The following CAMK1D variants were observed in gnomAD, a reference collection of about 807,000 sequenced individuals.
CAMK1D encodes calcium/calmodulin dependent protein kinase ID, also known as calcium/calmodulin-dependent protein kinase type 1D.
A neutral mutation model predicts 47.7 loss-of-function variants in CAMK1D; 9 were observed. That is an observed-to-expected ratio of 0.19 (90% CI 0.11 to 0.33). The LOEUF (loss-of-function observed/expected upper bound fraction) is 0.33. Ranked by LOEUF, CAMK1D falls within the 10% of genes least tolerant of loss-of-function variation. The pLI is 1.00. For synonymous variants in CAMK1D, 184 were observed against 184.9 expected (o/e 0.99, Z 0.04); for missense variants, 291 against 488.7 (o/e 0.60, Z 3.81).
chr10:12,454,279 C>T (rs1049768291), intron 1 of CAMK1D, among the ~76,000 whole-genome samples: 19 of 152,354 alleles, frequency 1.2e-4, no homozygotes, highest in Admixed American at 5.9e-4. Flanking sequence ...TCCCCTGCCT[C>T]AGCCTCCTGA....
intron 1 of CAMK1D, among the ~76,000 whole-genome samples, chr10:12,372,653 C>CT (rs1232209918): frequency 6.6e-6 from 1 of 152,194 alleles, no homozygotes; most frequent in Non-Finnish European, 1.5e-5. Context: ...GGGTCTCACT[C>CT]TGTCATTCAG....
At chr10:12,790,510 G>A (rs370206198) in intron 5 of CAMK1D, among the ~76,000 whole-genome samples, 4 of 152,140 alleles carry the variant, frequency 2.6e-5, no homozygotes, top group Admixed American at 2.0e-4. Context: ...AGCCTGATTT[G>A]TGTTACAGTG....
At chr10:12,784,324 A>C (rs573325216) in intron 5 of CAMK1D, among the ~76,000 whole-genome samples, 23 of 150,980 alleles carry the variant, frequency 1.5e-4, no homozygotes, top group Admixed American at 9.3e-4. Context: ...CAGCCTCCTG[A>C]GTAGCTGGAA....
At chr10:12,776,845 G>C (rs1203006063) in intron 5 of CAMK1D, among the ~76,000 whole-genome samples, 1 of 152,156 alleles carries the variant, frequency 6.6e-6, no homozygotes, top group Non-Finnish European at 1.5e-5. Flanking sequence ...ACACCAAATA[G>C]AGGGTGAGAA....
chr10:12,403,631 A>G (rs1839310123), intron 1 of CAMK1D, among the ~76,000 whole-genome samples: 2 of 152,214 alleles, frequency 1.3e-5, no homozygotes, highest in Admixed American at 6.5e-5. Context: ...GGCGTGCACC[A>G]TAGAATTCCT....
chr10:12,819,308 G>C (rs116878192), intron 8 of CAMK1D, among the ~76,000 whole-genome samples: 1,616 of 152,332 alleles, frequency 0.011, 12 homozygotes, highest in Non-Finnish European at 0.016. Flanking sequence ...TACAACACGG[G>C]AGCTTAAAAC....
At chr10:12,742,830 C>T (rs1835494020) in intron 3 of CAMK1D, among the ~76,000 whole-genome samples, 1 of 147,992 alleles carries the variant, frequency 6.8e-6, no homozygotes, top group Non-Finnish European at 1.5e-5. Flanking sequence ...AATACCACAT[C>T]TGACAAAGAG....
chr10:12,374,190 G>A (rs1302274108), intron 1 of CAMK1D, among the ~76,000 whole-genome samples: 2 of 147,774 alleles, frequency 1.4e-5, no homozygotes, highest in Non-Finnish European at 3.0e-5. Flanking sequence ...AACCCAGGAG[G>A]CGGAAGTTGC....
At chr10:12,486,851 T>A (rs886274420) in intron 1 of CAMK1D, among the ~76,000 whole-genome samples, 5 of 152,076 alleles carry the variant, frequency 3.3e-5, no homozygotes, top group African/African-American at 1.2e-4. Context: ...GAAGGGAGGA[T>A]CACTTGAGCC....
intron 1 of CAMK1D, among the ~76,000 whole-genome samples, chr10:12,531,391 G>C (rs1835800841): frequency 6.6e-6 from 1 of 152,222 alleles, no homozygotes; most frequent in Non-Finnish European, 1.5e-5. Flanking sequence ...ATGGTTGCCA[G>C]GGGCACGTGG....
intron 1 of CAMK1D, among the ~76,000 whole-genome samples, chr10:12,512,298 G>T (rs186520455): frequency 1.9e-3 from 285 of 152,306 alleles, no homozygotes; most frequent in African/African-American, 6.4e-3. Context: ...CTGATTCGTT[G>T]GGGAGAAGTT....
chr10:12,440,315 C>T (rs1217479112), intron 1 of CAMK1D, among the ~76,000 whole-genome samples: 1 of 150,002 alleles, frequency 6.7e-6, no homozygotes, highest in Non-Finnish European at 1.5e-5. Context: ...GACGGAGTCT[C>T]CTTCTGTCAC....
chr10:12,768,071 C>A (rs775549054), intron 4 of CAMK1D, among the ~76,000 whole-genome samples: 5 of 152,114 alleles, frequency 3.3e-5, no homozygotes, highest in Non-Finnish European at 7.3e-5. Context: ...CGGGGTTTCG[C>A]CATGTTGATC....
chr10:12,492,203 C>T (rs1834406516), intron 1 of CAMK1D, among the ~76,000 whole-genome samples: 1 of 152,072 alleles, frequency 6.6e-6, no homozygotes, highest in South Asian at 2.1e-4. Flanking sequence ...CTGGCTCCTT[C>T]CACTCTCGGG....
chr10:12,463,909 T>C (rs531343095), intron 1 of CAMK1D, among the ~76,000 whole-genome samples: 3 of 152,252 alleles, frequency 2.0e-5, no homozygotes, highest in Non-Finnish European at 4.4e-5. Flanking sequence ...GTCTCCTGCG[T>C]TCCTTCTCCT....
At chr10:12,583,843 C>T (rs931576251) in intron 2 of CAMK1D, among the ~76,000 whole-genome samples, 2 of 152,096 alleles carry the variant, frequency 1.3e-5, no homozygotes, top group East Asian at 1.9e-4. Context: ...TCGTGATCCG[C>T]CTGCCTCTGC....
At chr10:12,409,495 G>T in intron 1 of CAMK1D, among the ~76,000 whole-genome samples, 1 of 152,192 alleles carries the variant, frequency 6.6e-6, no homozygotes, top group East Asian at 1.9e-4. Flanking sequence ...CGTGGCCCAG[G>T]CTGCTCTTGA....
At chr10:12,542,142 G>GGT in intron 1 of CAMK1D, among the ~76,000 whole-genome samples, 1 of 152,262 alleles carries the variant, frequency 6.6e-6, no homozygotes, top group African/African-American at 2.4e-5. Flanking sequence ...GCCTCCCAAA[G>GGT]TGCTGGGATT....
At chr10:12,405,010 G>A (rs989938683) in intron 1 of CAMK1D, among the ~76,000 whole-genome samples, 1 of 152,142 alleles carries the variant, frequency 6.6e-6, no homozygotes, top group African/African-American at 2.4e-5. Flanking sequence ...TGAGCATTAA[G>A]TAATTTCCTT....
Sources: gnomAD v4.1 joint callset for allele counts (sites outside exome capture counted in the v4.1 genomes callset) on GRCh38, gnomAD v4.1.1 for gene constraint, MANE v1.5 for transcripts, NCBI Gene and HGNC (gene_info 2026-07-23, HGNC 2026-07-21) for gene names.